DEAF1: variants seen among roughly 807,000 people sequenced by gnomAD.
DEAF1 encodes deformed epidermal autoregulatory factor 1 homolog.
DEAF1 carries 53 observed loss-of-function variants against 58.9 expected under a neutral mutation model. The observed-to-expected ratio is 0.90, with a 90% confidence interval of 0.72 to 1.13. The LOEUF (loss-of-function observed/expected upper bound fraction) is 1.13, where lower values mean the gene tolerates loss of function less well. Among genes scored for constraint, DEAF1 ranks in the 50% most tolerant of loss-of-function variants. The pLI, the probability that DEAF1 is intolerant of heterozygous loss-of-function variation, is 0.00. For missense variants in DEAF1, 685 were observed against 791.4 expected (o/e 0.87, Z 1.61); for synonymous variants, 385 against 340.4 (o/e 1.13, Z -1.44).
chr11:666,002 C>T (rs1211597718), intron 10 of DEAF1: 2 of 152,230 alleles, frequency 1.3e-5, no homozygotes, highest in Non-Finnish European at 2.9e-5. Context: ...AAATGGACGG[C>T]TGAAGACCGA....
intron 10 of DEAF1, among the ~76,000 whole-genome samples, chr11:654,856 G>A (rs549549365): frequency 1.2e-4 from 18 of 149,946 alleles, no homozygotes; most frequent in South Asian, 1.1e-3. Flanking sequence ...GTGACAGAGC[G>A]AGACTCCCAT....
chr11:675,277 G>A (rs1434858790), intron 9 of DEAF1, among the ~76,000 whole-genome samples: 1 of 152,184 alleles, frequency 6.6e-6, no homozygotes, highest in Non-Finnish European at 1.5e-5. Context: ...CCTGCACTTT[G>A]GGAGACTGAG....
At chr11:673,127 T>G (rs542928500) in intron 10 of DEAF1, among the ~76,000 whole-genome samples, 2 of 149,804 alleles carry the variant, frequency 1.3e-5, no homozygotes, top group African/African-American at 4.9e-5. Flanking sequence ...CCAGCCTGGG[T>G]GATGGAGCGA....
At chr11:700,452 G>T (rs562508573) in intron 1 of DEAF1, among the ~76,000 whole-genome samples, 1 of 151,916 alleles carries the variant, frequency 6.6e-6, no homozygotes, top group African/African-American at 2.4e-5. Context: ...GCTTGAACCC[G>T]GGAGGTGGAG....
chr11:658,503 C>T (rs567684574), intron 10 of DEAF1, among the ~76,000 whole-genome samples: 13 of 152,356 alleles, frequency 8.5e-5, no homozygotes, highest in South Asian at 2.1e-4. Flanking sequence ...GACAAGACAC[C>T]GCGTTTCCGC....
upstream of DEAF1, chr11:695,827 G>C: frequency 8.1e-7 from 1 of 1,230,980 alleles, no homozygotes. Context: ...GGGCGGGTAA[G>C]ATGGCGGCCC....
chr11:656,591 C>T (rs974919441), intron 10 of DEAF1, among the ~76,000 whole-genome samples: 6 of 152,344 alleles, frequency 3.9e-5, no homozygotes, highest in East Asian at 1.9e-4. Context: ...TCCAGCCCCT[C>T]ACAGACAGAG....
At chr11:705,940 CGCCCCAGCTCTA>C (rs1861693327) in intron 1 of DEAF1, among the ~76,000 whole-genome samples, 2 of 152,328 alleles carry the variant, frequency 1.3e-5, no homozygotes, top group South Asian at 4.1e-4. Flanking sequence ...CTGTCCCCAG[CGCCCCAGCTCTA>C]GGGGCTAGGC....
chr11:649,427 AAAAAC>A lies in DEAF1; in HGVS notation c.1593+4530_1593+4534del, dbSNP rs199912599. 3.7e-3 allele frequency among the ~76,000 whole-genome samples: 470 copies of A among 126,842 alleles called. 3 individuals carry two copies. The highest frequency in any genetic ancestry group is 0.01 in the African/African-American group (392 of 38,354). The allele number at this position is 126,842 out of a possible 152,430, so 83.2% of individuals were successfully genotyped here. Reference sequence around the variant, plus strand: ...ACAGAGAGAGACCCCACTTAAAAAAAAAAACAAAACAGCTGGGTGTGGTGGCTCAC... The same window carrying A: ...ACAGAGAGAGACCCCACTTAAAAAAAAAAACAGCTGGGTGTGGTGGCTCAC... On this transcript the variant is annotated intron_variant, in intron 11 of 11. Coordinates refer to ENST00000382409, the MANE Select transcript of DEAF1 (RefSeq NM_021008.4).
intron 10 of DEAF1, among the ~76,000 whole-genome samples, chr11:669,927 CAAAAAAAAAAAA>C (rs59541099): frequency 2.3e-5 from 2 of 86,908 alleles, no homozygotes; most frequent in African/African-American, 4.7e-5. Context: ...GAGACTGTCT[CAAAAAAAAAAAA>C]AAAAAAAAAA....
At chr11:647,507 T>C (rs1219074483) in intron 11 of DEAF1, among the ~76,000 whole-genome samples, 3 of 151,968 alleles carry the variant, frequency 2.0e-5, no homozygotes, top group Non-Finnish European at 4.4e-5. Context: ...CAAAAATAAG[T>C]AATGAAATAA....
chr11:679,952 T>TCCTTCACATG, intron 7 of DEAF1, 136 bp from the exon 8 acceptor site: 1 of 1,221,314 alleles, frequency 8.2e-7, no homozygotes, highest in Non-Finnish European at 1.2e-6. Context: ...CCCTCCCATG[T>TCCTTCACATG]GAAGGACACG....
intron 6 of DEAF1, among the ~76,000 whole-genome samples, chr11:684,192 C>A (rs979838894): frequency 6.8e-6 from 1 of 146,760 alleles, no homozygotes; most frequent in East Asian, 2.0e-4. Context: ...CTGAGGCGGG[C>A]GGATCACATG....
intron 11 of DEAF1, 26 bp downstream of exon 11, chr11:653,936 C>T (rs1390469767): frequency 6.2e-7 from 1 of 1,610,474 alleles, no homozygotes; most frequent in East Asian, 2.2e-5. Context: ...GGCGGGGGCA[C>T]TGAGCCTGGT....
chr11:690,204 C>T (rs1485480699), intron 2 of DEAF1, among the ~76,000 whole-genome samples: 2 of 111,452 alleles, frequency 1.8e-5, no homozygotes, highest in African/African-American at 7.2e-5. Context: ...CCAGTTTGGG[C>T]AACAGAGAAA....
intron 6 of DEAF1, among the ~76,000 whole-genome samples, chr11:683,580 T>C (rs947437864): frequency 3.9e-5 from 6 of 152,200 alleles, no homozygotes; most frequent in Non-Finnish European, 7.4e-5. Flanking sequence ...TTTGGCTTTT[T>C]TGTTTCAAAA....
chr11:685,959 C>T (rs897281255), intron 5 of DEAF1, among the ~76,000 whole-genome samples: 2 of 149,254 alleles, frequency 1.3e-5, no homozygotes, highest in Admixed American at 6.7e-5. Context: ...GCCTGGCCAG[C>T]GTGGTGAAAC....
chr11:676,850 AC>A (rs1380956366), intron 9 of DEAF1, among the ~76,000 whole-genome samples: 1 of 152,148 alleles, frequency 6.6e-6, no homozygotes, highest in East Asian at 1.9e-4. Context: ...ACTAGCACAA[AC>A]CCTGAGGTTC....
In DEAF1 at chr11:681,736, C is replaced by T. The variant is rs906288592; in HGVS notation, c.871-647G>A. ...ACTTTTTTTTTTAAATAATTTATAT[C>T]TCTTCATTGACATTCTCCAGTGAGG... is the stretch of plus-strand genomic sequence containing the variant. On this transcript the variant is annotated intron_variant, in intron 6 of 11. Transcript: ENST00000382409. Among the ~76,000 whole-genome samples the T allele has an allele frequency of 1.8e-4, 27 of 152,068 alleles. 1 individual carries two copies. The highest frequency in any genetic ancestry group is 8.8e-5 in the Non-Finnish European group (6 of 68,002).
Sources: allele counts gnomAD v4.1 joint callset (sites outside exome capture counted in the v4.1 genomes callset), GRCh38; gene constraint gnomAD v4.1.1; transcripts MANE v1.5; gene names NCBI Gene and HGNC (gene_info 2026-07-23, HGNC 2026-07-21).